Variants in DCHS2 observed in about 807,000 individuals in gnomAD.
DCHS2 encodes the protein protocadherin-23.
A neutral mutation model predicts 182.4 loss-of-function variants in DCHS2; 142 were observed. That is an observed-to-expected ratio of 0.78 (90% confidence interval 0.68 to 0.89). DCHS2 has a LOEUF of 0.89. Among genes scored for constraint, DCHS2 ranks in the 40% least tolerant of loss-of-function variants. DCHS2 has a pLI of 0.00. For synonymous variants in DCHS2, 1,740 were observed against 1,663.3 expected (o/e 1.05, Z -1.12); for missense variants, 4,319 against 4,198.6 (o/e 1.03, Z -0.79).
chr4:154,329,339 T>C (rs908761624), intron 6 of DCHS2, among the ~76,000 whole-genome samples, 184 bp downstream of exon 6: 1 of 152,228 alleles, frequency 6.6e-6, no homozygotes, highest in African/African-American at 2.4e-5. Context: ...AGAGCACATA[T>C]ATTCATTTAC....
chr4:154,449,833 C>T (rs902856895), intron 1 of DCHS2, among the ~76,000 whole-genome samples: 3 of 152,144 alleles, frequency 2.0e-5, no homozygotes, highest in Non-Finnish European at 4.4e-5. Flanking sequence ...CATTTGTTTG[C>T]CTTCACGTTT....
chr4:154,236,347 A>G lies in DCHS2; in HGVS notation c.8305T>C (p.Phe2769Leu). Residue 2769 changes from phenylalanine (F) to leucine (L), a missense_variant, in exon 20 of 20, where the codon TTT becomes CTT. Transcript: ENST00000357232. ...ATACAGCTGAAGCTTGAGAACATAA[A>G]CTGAGGTGCATGGTCGTTATCATCC... The part of the protein sequence containing the change: ...VLDDNDHAPQ[F>L]MFSSFSCIVP... The G allele has an allele frequency of 6.2e-7, 1 of 1,614,054 alleles. No individual in the cohort carries two copies. The highest frequency in any genetic ancestry group is 8.5e-7 in the Non-Finnish European group (1 of 1,179,964).
chr4:154,302,567 T>C (rs1294501076), intron 12 of DCHS2, among the ~76,000 whole-genome samples: 1 of 152,088 alleles, frequency 6.6e-6, no homozygotes, highest in Admixed American at 6.6e-5. Context: ...GCCGATTTCC[T>C]GGGCATGGTG....
Position 154,235,843 on chromosome 4 carries a change from A to G in DCHS2, c.8809T>C (p.Leu2937=), listed in dbSNP as rs1333180415. Residue 2937 remains leucine, a synonymous_variant, in exon 20 of 20, where the codon TTG becomes CTG. Coordinates refer to ENST00000357232, the MANE Select transcript of DCHS2 (RefSeq NM_001358235.2). ...SVNKTNGNIY[L]IRALPLIKSQ... is the part of the protein sequence containing the mutation. ...TTTATTAGGGGAAGGGCTCTAATCA[A>G]ATAAATATTTCCATTGGTTTTATTT... 14 of 1,613,930 alleles carry G rather than the reference A, an allele frequency of 8.7e-6. No homozygotes were observed. Among genetic ancestry groups the G allele is most frequent in the Non-Finnish European group, 1.2e-5 (14 of 1,179,972 alleles).
At position 154,314,963 on chromosome 4, in the gene DCHS2, T is replaced by G. The variant is rs1384778293; in HGVS notation, c.5260+785A>C. Among the ~76,000 whole-genome samples the G allele has an allele frequency of 3.0e-4, 46 of 152,190 alleles. 1 individual carries two copies. The highest frequency in any genetic ancestry group is 3.0e-3 in the Admixed American group (46 of 15,278). ...CTGTAATTTTTGTAATTATTTTGTT[T>G]AAGATAAAAACAGAATATGGTTAAA... On this transcript the variant is annotated intron_variant, in intron 10 of 19. Transcript: ENST00000357232.
At chr4:154,409,055 A>T (rs894792647) in intron 1 of DCHS2, among the ~76,000 whole-genome samples, 2 of 152,210 alleles carry the variant, frequency 1.3e-5, no homozygotes, top group African/African-American at 4.8e-5. Context: ...GCAGTCAAGC[A>T]TCTCAGGACT....
chr4:154,351,791 C>T (rs1044474722), intron 3 of DCHS2, among the ~76,000 whole-genome samples: 2 of 152,120 alleles, frequency 1.3e-5, no homozygotes, highest in African/African-American at 2.4e-5. Context: ...CTAATGCTTA[C>T]GCCGATCTGA....
intron 1 of DCHS2, among the ~76,000 whole-genome samples, chr4:154,378,266 A>G (rs1313977322): frequency 6.6e-6 from 1 of 152,134 alleles, no homozygotes; most frequent in Non-Finnish European, 1.5e-5. Flanking sequence ...CTGTGGGAGT[A>G]TATAGTGAGA....
chr4:154,302,967 ACCCACACACACAC>A (rs1453386566), intron 12 of DCHS2, among the ~76,000 whole-genome samples: 5 of 81,524 alleles, frequency 6.1e-5, no homozygotes, highest in African/African-American at 3.5e-4. Context: ...ACACACACAC[ACCCACACACACAC>A]ATATTTTTTT....
At chr4:154,390,564 C>T (rs1319516127) in intron 1 of DCHS2, among the ~76,000 whole-genome samples, 1 of 151,954 alleles carries the variant, frequency 6.6e-6, no homozygotes, top group Non-Finnish European at 1.5e-5. Context: ...ACACCTACAT[C>T]ATCTTTCATT....
chr4:154,288,347 A>C (rs1183478003), intron 13 of DCHS2, among the ~76,000 whole-genome samples: 2 of 152,186 alleles, frequency 1.3e-5, no homozygotes, highest in Non-Finnish European at 2.9e-5. Flanking sequence ...GCAATGATGA[A>C]TCAATTCAGC....
chr4:154,446,804 T>A (rs1159076984), intron 1 of DCHS2, among the ~76,000 whole-genome samples: 3 of 152,152 alleles, frequency 2.0e-5, no homozygotes, highest in Non-Finnish European at 4.4e-5. Flanking sequence ...TTAGTTAGAG[T>A]TGCTCTTCGA....
intron 3 of DCHS2, chr4:154,343,323 C>CCCT (rs1252963943): frequency 1.1e-5 from 7 of 651,648 alleles, no homozygotes; most frequent in Non-Finnish European, 1.4e-5. Flanking sequence ...CTGCATTAGC[C>CCCT]CCTAACAAGA....
At chr4:154,410,574 CAAAAAA>C (rs1160670540) in intron 1 of DCHS2, among the ~76,000 whole-genome samples, 1 of 35,364 alleles carries the variant, frequency 2.8e-5, no homozygotes, top group East Asian at 8.8e-4. Flanking sequence ...GACTCCATCT[CAAAAAA>C]AAAAAAAAAA....
intron 1 of DCHS2, among the ~76,000 whole-genome samples, chr4:154,429,282 T>A (rs1210856298): frequency 6.6e-6 from 1 of 152,128 alleles, no homozygotes; most frequent in African/African-American, 2.4e-5. Context: ...AAATGACTGT[T>A]CATCATTTTT....
intron 13 of DCHS2, among the ~76,000 whole-genome samples, chr4:154,296,523 T>G (rs1006251301): frequency 6.6e-6 from 1 of 152,156 alleles, no homozygotes. Flanking sequence ...GATTTGAAAA[T>G]AGAAACTATA....
intron 1 of DCHS2, among the ~76,000 whole-genome samples, chr4:154,419,650 C>CA (rs70947164): frequency 0.35 from 15,762 of 44,746 alleles, 2,386 homozygotes; most frequent in East Asian, 0.75. Flanking sequence ...AACTCCATCT[C>CA]AAAAAAAAAA....
chr4:154,307,958 C>G lies in DCHS2; in HGVS notation c.5261-2727G>C, dbSNP rs114806090. 5.0e-3 allele frequency among the ~76,000 whole-genome samples: 767 copies of G among 152,264 alleles called. 10 individuals are homozygous for G. The highest frequency in any genetic ancestry group is 0.018 in the African/African-American group (737 of 41,552). Reference sequence around the variant, plus strand: ...TACTCCCTGTCTCAATGGCAAAAGTCATTCTTCAAACACACTCTCAGAATT... The same window carrying G: ...TACTCCCTGTCTCAATGGCAAAAGTGATTCTTCAAACACACTCTCAGAATT... On this transcript the variant is annotated intron_variant, in intron 10 of 19. Coordinates refer to ENST00000357232, the MANE Select transcript of DCHS2 (RefSeq NM_001358235.2).
chr4:154,427,418 C>A (rs145201209), intron 1 of DCHS2, among the ~76,000 whole-genome samples: 22 of 152,232 alleles, frequency 1.4e-4, no homozygotes, highest in Non-Finnish European at 2.9e-4. Flanking sequence ...AAGAGCTGTT[C>A]TGTACCACAC....
Sources: gnomAD v4.1 joint callset for allele counts (sites outside exome capture counted in the v4.1 genomes callset) on GRCh38, gnomAD v4.1.1 for gene constraint, MANE v1.5 for transcripts, NCBI Gene and HGNC (gene_info 2026-07-23, HGNC 2026-07-21) for gene names.